TBC1D5: variants seen among roughly 807,000 people sequenced by gnomAD.
TBC1D5 encodes TBC1 domain family member 5, also known as TBC1 domain family, member 5.
Under a neutral mutation model 100.3 loss-of-function variants are expected in TBC1D5, and 75 were observed. The observed-to-expected ratio is 0.75, with a 90% CI of 0.62 to 0.91. TBC1D5 has a LOEUF of 0.91. TBC1D5 is among the 40% of genes least tolerant of loss of function. The pLI is 0.00. For missense variants in TBC1D5, 910 were observed against 942.4 expected, an observed-to-expected ratio of 0.97 and a Z score of 0.45; for synonymous variants, 323 against 325.6, an observed-to-expected ratio of 0.99 and a Z score of 0.09.
chr3:17,209,694 T>A (rs185021693), intron 18 of TBC1D5, among the ~76,000 whole-genome samples: 33 of 152,244 alleles, frequency 2.2e-4, no homozygotes, highest in African/African-American at 8.0e-4. Context: ...TTTCTTTCTT[T>A]TCCTACACAT....
At chr3:17,667,804 GT>G (rs2067447127) in intron 1 of TBC1D5, among the ~76,000 whole-genome samples, 1 of 151,760 alleles carries the variant, frequency 6.6e-6, no homozygotes, top group South Asian at 2.1e-4. Context: ...CAAGTATTAA[GT>G]TTTTGTCTTT....
intron 17 of TBC1D5, among the ~76,000 whole-genome samples, chr3:17,224,473 T>C (rs918414908): frequency 6.6e-6 from 1 of 152,236 alleles, no homozygotes; most frequent in East Asian, 1.9e-4. Context: ...AATTTTACAT[T>C]CATTTTTTCA....
intron 3 of TBC1D5, among the ~76,000 whole-genome samples, chr3:17,474,168 T>A (rs2095411693): frequency 1.3e-5 from 2 of 152,168 alleles, no homozygotes; most frequent in Non-Finnish European, 2.9e-5. Flanking sequence ...AGTCAGTTAA[T>A]CACCTTGTAA....
At chr3:17,376,717 A>C in intron 9 of TBC1D5, 104 bp from the exon 10 acceptor site, 1 of 851,270 alleles carries the variant, frequency 1.2e-6, no homozygotes, top group Non-Finnish European at 1.7e-6. Context: ...TCCCACTAGC[A>C]AAATTTCCAC....
At chr3:17,551,532 T>C (rs1279467890) in intron 2 of TBC1D5, among the ~76,000 whole-genome samples, 1 of 152,092 alleles carries the variant, frequency 6.6e-6, no homozygotes, top group Non-Finnish European at 1.5e-5. Flanking sequence ...ACATAAACCA[T>C]CTGCTACTTG....
At chr3:17,309,164 T>A (rs998109761) in intron 13 of TBC1D5, among the ~76,000 whole-genome samples, 1 of 151,934 alleles carries the variant, frequency 6.6e-6, no homozygotes, top group African/African-American at 2.4e-5. Flanking sequence ...AAACCAAATA[T>A]AACCATTTGT....
chr3:17,503,127 T>A (rs983444113), intron 3 of TBC1D5, among the ~76,000 whole-genome samples: 1 of 149,782 alleles, frequency 6.7e-6, no homozygotes, highest in African/African-American at 2.5e-5. Context: ...GTTCTTCATA[T>A]AAGGGAGCTT....
intron 17 of TBC1D5, among the ~76,000 whole-genome samples, chr3:17,232,146 T>A (rs948154215): frequency 2.0e-5 from 3 of 152,190 alleles, no homozygotes; most frequent in Non-Finnish European, 4.4e-5. Context: ...TTTGAAGTTC[T>A]AGTTAAACAG....
At chr3:17,376,612 C>T in exon 10 of TBC1D5, 1 of 1,610,374 alleles carries the variant, frequency 6.2e-7, no homozygotes, top group African/African-American at 1.3e-5. Context: ...TTCGTGCATG[C>T]CCTGAAATAA....
intron 1 of TBC1D5, chr3:17,699,894 GA>G (rs1271353195): frequency 6.6e-6 from 1 of 151,876 alleles, no homozygotes; most frequent in Non-Finnish European, 1.5e-5. Flanking sequence ...AAATGGAAGT[GA>G]GAAAATCCAG....
chr3:17,736,450 T>TTAC (rs2076972066), intron 1 of TBC1D5, among the ~76,000 whole-genome samples: 1 of 152,142 alleles, frequency 6.6e-6, no homozygotes, highest in Non-Finnish European at 1.5e-5. Flanking sequence ...ATGAGCACTC[T>TTAC]TACCTTTAGA....
At chr3:17,191,289 A>C (rs2069855934) in intron 18 of TBC1D5, among the ~76,000 whole-genome samples, 2 of 152,224 alleles carry the variant, frequency 1.3e-5, no homozygotes, top group Non-Finnish European at 2.9e-5. Flanking sequence ...TGGTGATAAT[A>C]ATAGTTTCTA....
intron 16 of TBC1D5, among the ~76,000 whole-genome samples, chr3:17,247,801 T>C (rs1381442116): frequency 2.0e-5 from 3 of 152,210 alleles, no homozygotes; most frequent in Admixed American, 6.5e-5. Context: ...GTCATTTCAA[T>C]AATGTTCATA....
chr3:17,666,595 C>G (rs1577334584), intron 1 of TBC1D5, among the ~76,000 whole-genome samples: 1 of 152,060 alleles, frequency 6.6e-6, no homozygotes. Flanking sequence ...CTTGAAAAGT[C>G]TGAACATAGT....
At chr3:17,355,367 G>A (rs1286263232) in intron 13 of TBC1D5, among the ~76,000 whole-genome samples, 1 of 152,056 alleles carries the variant, frequency 6.6e-6, no homozygotes, top group Non-Finnish European at 1.5e-5. Flanking sequence ...GGAGGCTGTG[G>A]CCAATTAAAA....
At chr3:17,538,405 C>T (rs745702237) in intron 2 of TBC1D5, among the ~76,000 whole-genome samples, 2 of 152,114 alleles carry the variant, frequency 1.3e-5, no homozygotes, top group Non-Finnish European at 1.5e-5. Flanking sequence ...CAAGTGAACA[C>T]GTGCACAACT....
chr3:17,392,439 A>G (rs984183223), intron 8 of TBC1D5, among the ~76,000 whole-genome samples: 2 of 152,014 alleles, frequency 1.3e-5, no homozygotes, highest in Non-Finnish European at 2.9e-5. Flanking sequence ...TTAGGTATAC[A>G]CATGCCATGG....
At chr3:17,547,414 C>T (rs973207513) in intron 2 of TBC1D5, among the ~76,000 whole-genome samples, 4 of 152,094 alleles carry the variant, frequency 2.6e-5, no homozygotes, top group Admixed American at 2.6e-4. Flanking sequence ...CCAATTTCAT[C>T]ATCATATACT....
At chr3:17,526,837 T>G (rs2096142589) in intron 2 of TBC1D5, among the ~76,000 whole-genome samples, 1 of 152,198 alleles carries the variant, frequency 6.6e-6, no homozygotes, top group Non-Finnish European at 1.5e-5. Context: ...GATGGAACCT[T>G]TGAGTGATCT....
Sources: allele counts gnomAD v4.1 joint callset (sites outside exome capture counted in the v4.1 genomes callset), GRCh38; gene constraint gnomAD v4.1.1; transcripts MANE v1.5; gene names NCBI Gene and HGNC (gene_info 2026-07-23, HGNC 2026-07-21).